The following NUP210L variants were observed in gnomAD, a reference collection of about 807,000 sequenced individuals.
NUP210L encodes nucleoporin 210 like.
Under a neutral mutation model 208.5 loss-of-function variants are expected in NUP210L, and 74 were observed. That is an observed-to-expected ratio of 0.35 (90% CI 0.29 to 0.43). NUP210L has a LOEUF of 0.43. NUP210L is among the 20% of genes least tolerant of loss of function. The pLI is 1.00. For synonymous variants in NUP210L, 780 were observed against 816.9 expected (o/e 0.95, Z 0.77); for missense variants, 1,843 against 2,289.4 (o/e 0.81, Z 3.98).
intron 12 of NUP210L, among the ~76,000 whole-genome samples, chr1:154,112,668 C>A (rs1657100369): frequency 6.6e-6 from 1 of 151,872 alleles, no homozygotes; most frequent in East Asian, 1.9e-4. Flanking sequence ...CCACCCTGGG[C>A]AATATAGGGA....
exon 21 of NUP210L, chr1:154,058,595 T>A: frequency 6.2e-7 from 1 of 1,613,910 alleles, no homozygotes; most frequent in South Asian, 1.1e-5. Flanking sequence ...CCAGCTCTTG[T>A]ATGTCTGACA....
chr1:154,064,021 G>A (rs946301530), intron 17 of NUP210L, among the ~76,000 whole-genome samples: 12 of 149,076 alleles, frequency 8.0e-5, no homozygotes, highest in East Asian at 7.8e-4. Context: ...TATATAACAC[G>A]TCTACATATT....
intron 12 of NUP210L, among the ~76,000 whole-genome samples, chr1:154,108,862 A>G (rs1656903890): frequency 1.3e-5 from 2 of 151,924 alleles, no homozygotes; most frequent in South Asian, 4.1e-4. Flanking sequence ...GCACTTTGGG[A>G]GGCCAAGGCA....
rs879608080 is a variant in NUP210L, at chr1:154,081,231, GA to G, written c.2361+8189del. ...CTCATGGGTCACAAGTATAAGGATG[GA>G]AAAAAAAAAAAGATGTATCATGCAA... On this transcript the variant is annotated intron_variant, in intron 16 of 39. Transcript: ENST00000368559. 2.9e-3 allele frequency among the ~76,000 whole-genome samples: 398 copies of G among 139,278 alleles called. 1 individual carries two copies. The highest frequency in any genetic ancestry group is 8.0e-3 in the African/African-American group (304 of 38,190). 91.4% of individuals were successfully genotyped at this position (139,278 alleles called of 152,430 possible).
In NUP210L at chr1:153,995,060, A is replaced by T; in HGVS notation, c.5491+16T>A. On this transcript the variant is annotated intron_variant, in intron 38 of 39. Coordinates refer to ENST00000368559, the Ensembl canonical transcript of NUP210L. ...TTTCATGTCAAAGTCTATGTTATTG[A>T]ATATAAGGACTCTACCTAGGAAGAT... is the stretch of plus-strand genomic sequence containing the variant. The T allele has an allele frequency of 6.8e-7, 1 of 1,466,080 alleles. No homozygotes were observed. Among genetic ancestry groups the T allele is most frequent in the Non-Finnish European group, 9.4e-7 (1 of 1,059,298 alleles). 90.8% of individuals were successfully genotyped at this position (1,466,080 alleles called of 1,614,324 possible).
chr1:154,153,204 C>G (rs1659490020), intron 1 of NUP210L, among the ~76,000 whole-genome samples: 1 of 151,936 alleles, frequency 6.6e-6, no homozygotes, highest in South Asian at 2.1e-4. Context: ...AAGTTTCCTT[C>G]AATCCTAGAA....
At chr1:154,119,408 T>G (rs1657496965) in intron 10 of NUP210L, among the ~76,000 whole-genome samples, 1 of 151,924 alleles carries the variant, frequency 6.6e-6, no homozygotes, top group Non-Finnish European at 1.5e-5. Context: ...GCCAACATGG[T>G]GAAACCCCAT....
chr1:154,001,074 TA>T lies in NUP210L; in HGVS notation c.5182-15del, dbSNP rs756544991. 1 of 1,605,952 alleles carries T rather than the reference TA, an allele frequency of 6.2e-7. No homozygotes were observed. The highest frequency in any genetic ancestry group is 8.5e-7 in the Non-Finnish European group (1 of 1,175,072). On this transcript the variant is annotated splice_polypyrimidine_tract_variant and intron_variant, in intron 36 of 39. Transcript: ENST00000368559. ...GCTGGAGATGACCTTGGAGAAAAGA[TA>T]AAACCTTTTATTTAAAAGAAGAAAA...
At chr1:154,058,504 G>A in intron 21 of NUP210L, 61 bp downstream of exon 21, 2 of 1,560,912 alleles carry the variant, frequency 1.3e-6, no homozygotes, top group Non-Finnish European at 1.7e-6. Context: ...CTATATTAAG[G>A]AATGCTGGGT....
At chr1:154,132,473 T>C (rs1231241827) in intron 7 of NUP210L, among the ~76,000 whole-genome samples, 1 of 152,168 alleles carries the variant, frequency 6.6e-6, no homozygotes, top group Non-Finnish European at 1.5e-5. Flanking sequence ...TTAAAACTGC[T>C]CTTTCTCTTA....
chr1:153,994,361 C>T (rs1040144514), intron 38 of NUP210L, among the ~76,000 whole-genome samples: 5 of 152,018 alleles, frequency 3.3e-5, no homozygotes, highest in Non-Finnish European at 4.4e-5. Context: ...GTCACCCAGG[C>T]TGAAGTGCAG....
At chr1:154,103,789 G>A (rs1656608453) in intron 13 of NUP210L, among the ~76,000 whole-genome samples, 1 of 151,966 alleles carries the variant, frequency 6.6e-6, no homozygotes, top group Admixed American at 6.6e-5. Context: ...TTCTGTGCCT[G>A]TGTTTCTACA....
chr1:154,002,413 C>T (rs1650272044), intron 35 of NUP210L, among the ~76,000 whole-genome samples: 1 of 151,834 alleles, frequency 6.6e-6, no homozygotes. Flanking sequence ...GTGGGTGGAT[C>T]ACAAGGTCAA....
intron 16 of NUP210L, among the ~76,000 whole-genome samples, chr1:154,087,313 T>G (rs1571257193): frequency 1.1e-5 from 1 of 94,372 alleles, no homozygotes; most frequent in Non-Finnish European, 2.0e-5. Flanking sequence ...AGAATGAAGC[T>G]CCATCTCAAA....
At chr1:154,129,047 A>C (rs892231049) in intron 8 of NUP210L, among the ~76,000 whole-genome samples, 1 of 152,162 alleles carries the variant, frequency 6.6e-6, no homozygotes, top group African/African-American at 2.4e-5. Flanking sequence ...TCCTAAACTC[A>C]AAATTGTATT....
At chr1:154,100,295 TA>T in intron 13 of NUP210L, 152 bp from the exon 14 acceptor site, 1 of 650,600 alleles carries the variant, frequency 1.5e-6, no homozygotes, top group Non-Finnish European at 2.6e-6. Flanking sequence ...ACAAAATATT[TA>T]AAAAATTAGC....
intron 6 of NUP210L, among the ~76,000 whole-genome samples, chr1:154,137,227 A>C (rs1262494336): frequency 1.3e-5 from 2 of 152,104 alleles, no homozygotes; most frequent in African/African-American, 4.8e-5. Flanking sequence ...GTTCAAGACC[A>C]GCCTGGGTAA....
intron 37 of NUP210L, among the ~76,000 whole-genome samples, chr1:153,999,509 G>A (rs532111889): frequency 1.3e-5 from 2 of 152,056 alleles, no homozygotes; most frequent in South Asian, 2.1e-4. Context: ...AGGCCAAGGC[G>A]GGTGGATCAC....
rs780799998 is a variant in NUP210L at position 154,046,143 on chromosome 1, C to A, written c.3622G>T (p.Ala1208Ser). 1.9e-6 allele frequency: 3 copies of A among 1,614,112 alleles called. No homozygotes were observed. In the South Asian group the frequency reaches 3.3e-5, roughly 18 times the overall value. ...CAGTGGAATGTGAGCCCAGGATTAGCATTGCTGAAGGAGAAAGGGGTCTGG... is the reference window on the plus strand; with the variant it reads ...CAGTGGAATGTGAGCCCAGGATTAGAATTGCTGAAGGAGAAAGGGGTCTGG... The change falls in exon 27 of 40, where the codon GCT becomes TCT. Residue 1208 changes from alanine (A) to serine (S), a missense_variant. Physicochemically the swap from Ala to Ser is moderately conservative, Grantham distance 99. Transcript: ENST00000368559.
Sources: allele counts gnomAD v4.1 joint callset (sites outside exome capture counted in the v4.1 genomes callset), GRCh38; gene constraint gnomAD v4.1.1; transcripts MANE v1.5; gene names NCBI Gene and HGNC (gene_info 2026-07-23, HGNC 2026-07-21).